Variants in DPYD observed in about 807,000 individuals in gnomAD.
DPYD encodes the protein dihydropyrimidine dehydrogenase, also known as dihydropyrimidine dehydrogenase [NADP(+)].
In DPYD, 109 loss-of-function variants were observed where a neutral mutation model predicts 116.2. The ratio of observed to expected loss-of-function variants is 0.94; its 90% CI spans 0.80 to 1.10. The LOEUF (loss-of-function observed/expected upper bound fraction) is 1.10, where lower values mean the gene tolerates loss of function less well. Among genes scored for constraint, DPYD ranks in the 50% least tolerant of loss-of-function variants. The pLI, the probability that DPYD is intolerant of heterozygous loss-of-function variation, is 0.00. For synonymous variants in DPYD, 440 were observed against 432.0 expected, an observed-to-expected ratio of 1.02 and a Z score of -0.23; for missense variants, 1,302 against 1,254.5, an observed-to-expected ratio of 1.04 and a Z score of -0.57.
chr1:97,139,181 T>G (rs1654023626), intron 20 of DPYD, among the ~76,000 whole-genome samples: 1 of 152,188 alleles, frequency 6.6e-6, no homozygotes, highest in South Asian at 2.1e-4. Context: ...GATCCTATTC[T>G]GATCGATGCC....
intron 8 of DPYD, among the ~76,000 whole-genome samples, chr1:97,610,446 A>G (rs1419876067): frequency 6.6e-6 from 1 of 152,046 alleles, no homozygotes; most frequent in Non-Finnish European, 1.5e-5. Context: ...ATTCATCTTG[A>G]AAGGAGATTA....
At chr1:97,358,937 G>A (rs1472191412) in intron 16 of DPYD, among the ~76,000 whole-genome samples, 1 of 152,132 alleles carries the variant, frequency 6.6e-6, no homozygotes, top group Non-Finnish European at 1.5e-5. Context: ...GGCAGCAACA[G>A]AAAAAAGCTG....
chr1:97,670,228 C>A, intron 8 of DPYD, among the ~76,000 whole-genome samples: 1 of 152,214 alleles, frequency 6.6e-6, no homozygotes, highest in South Asian at 2.1e-4. Flanking sequence ...CTTTAGAGGA[C>A]AATGCAGACC....
intron 12 of DPYD, among the ~76,000 whole-genome samples, chr1:97,540,468 C>G (rs1030095186): frequency 4.7e-4 from 71 of 152,230 alleles, no homozygotes; most frequent in African/African-American, 1.7e-3. Context: ...TGAAGAGACA[C>G]ATAGGGCAAG....
intron 12 of DPYD, chr1:97,546,224 G>GAAGA (rs1344466396): frequency 6.5e-7 from 1 of 1,540,030 alleles, no homozygotes; most frequent in Non-Finnish European, 9.0e-7. Flanking sequence ...GATGGCAACA[G>GAAGA]AAGAGTAAAG....
chr1:97,713,667 T>C (rs1027681563), intron 5 of DPYD, among the ~76,000 whole-genome samples: 4 of 152,160 alleles, frequency 2.6e-5, no homozygotes, highest in Admixed American at 6.6e-5. Flanking sequence ...AGATGTTACT[T>C]GTATTTGCAT....
chr1:97,260,075 A>G lies in DPYD; in HGVS notation c.2300-25081T>C, dbSNP rs1434082442. Among the ~76,000 whole-genome samples the G allele has an allele frequency of 2.0e-5, 3 of 152,270 alleles. No homozygotes were observed. In the East Asian group the frequency reaches 5.8e-4, roughly 29 times the overall value. On this transcript the variant is annotated intron_variant, in intron 18 of 22. Transcript: ENST00000370192. ...ATATAAGGTATCATCACTTCTCAAAAAGCGCTGTAGGTTATAAGATTGCTC... is the reference window on the plus strand; with the variant it reads ...ATATAAGGTATCATCACTTCTCAAAGAGCGCTGTAGGTTATAAGATTGCTC...
intron 8 of DPYD, among the ~76,000 whole-genome samples, chr1:97,631,065 G>A (rs1657228736): frequency 6.6e-6 from 1 of 152,084 alleles, no homozygotes; most frequent in Non-Finnish European, 1.5e-5. Flanking sequence ...ACAGGCTTCT[G>A]AGAGCAAGCT....
chr1:97,377,274 G>A (rs1316618136), intron 15 of DPYD, among the ~76,000 whole-genome samples: 1 of 151,914 alleles, frequency 6.6e-6, no homozygotes, highest in Admixed American at 6.6e-5. Flanking sequence ...AAAAATAAGA[G>A]CTTTAACATA....
chr1:97,243,168 A>G (rs146118067), intron 18 of DPYD, among the ~76,000 whole-genome samples: 8 of 152,034 alleles, frequency 5.3e-5, no homozygotes, highest in African/African-American at 1.4e-4. Context: ...TTCTCTTCCA[A>G]TTCAAAATCT....
intron 10 of DPYD, among the ~76,000 whole-genome samples, chr1:97,578,811 T>A (rs558278498): frequency 1.3e-5 from 2 of 152,160 alleles, no homozygotes; most frequent in South Asian, 2.1e-4. Flanking sequence ...AATCATGAAA[T>A]ATAGGAACCA....
intron 16 of DPYD, among the ~76,000 whole-genome samples, chr1:97,358,838 A>T (rs1169836100): frequency 1.3e-5 from 2 of 152,178 alleles, no homozygotes; most frequent in Non-Finnish European, 2.9e-5. Context: ...GGTAGATAAA[A>T]CCACAAAGAT....
chr1:97,143,420 C>T (rs1270433368), intron 20 of DPYD, among the ~76,000 whole-genome samples: 6 of 152,088 alleles, frequency 3.9e-5, no homozygotes. Flanking sequence ...ACAAAAATGA[C>T]TTGATAACCA....
At chr1:97,873,961 A>C (rs527545820) in intron 2 of DPYD, among the ~76,000 whole-genome samples, 7 of 152,080 alleles carry the variant, frequency 4.6e-5, no homozygotes, top group African/African-American at 1.7e-4. Context: ...AGTATGTTAG[A>C]TGGCAATATG....
At chr1:97,459,728 T>C (rs1027075727) in intron 13 of DPYD, among the ~76,000 whole-genome samples, 1 of 152,044 alleles carries the variant, frequency 6.6e-6, no homozygotes, top group African/African-American at 2.4e-5. Context: ...GCAAATAGTA[T>C]ATGGTAGAGA....
In DPYD at chr1:97,883,383, A is replaced by G; in HGVS notation, c.40-9T>C. 6.5e-7 allele frequency: 1 copy of G among 1,535,396 alleles called. No homozygotes were observed. ...TTTAAAGCCAGGATACTCTAAAGAC[A>G]GCATAAACAATGTGTAAATATATGG... On this transcript the variant is annotated splice_polypyrimidine_tract_variant and intron_variant, in intron 1 of 22. Transcript: ENST00000370192.
intron 12 of DPYD, among the ~76,000 whole-genome samples, chr1:97,541,696 T>C (rs772078875): frequency 6.6e-6 from 1 of 152,180 alleles, no homozygotes; most frequent in Non-Finnish European, 1.5e-5. Context: ...CTTTTTACAG[T>C]TTCCCATTTT....
At chr1:97,325,056 G>A (rs1013088155) in intron 16 of DPYD, among the ~76,000 whole-genome samples, 5 of 151,814 alleles carry the variant, frequency 3.3e-5, no homozygotes, top group Admixed American at 2.0e-4. Context: ...TTTTCATGGG[G>A]GAAAAAAATC....
chr1:97,914,455 A>G (rs1674122682), intron 1 of DPYD, among the ~76,000 whole-genome samples: 1 of 152,146 alleles, frequency 6.6e-6, no homozygotes, highest in Non-Finnish European at 1.5e-5. Context: ...ATTAATGTCA[A>G]ATGCCTTCTA....
Sources: gnomAD v4.1 joint callset for allele counts (sites outside exome capture counted in the v4.1 genomes callset) on GRCh38, gnomAD v4.1.1 for gene constraint, MANE v1.5 for transcripts, NCBI Gene and HGNC (gene_info 2026-07-23, HGNC 2026-07-21) for gene names.